Variants in DNAJB14 observed in about 807,000 individuals in gnomAD.
DNAJB14 encodes DnaJ heat shock protein family (Hsp40) member B14.
DNAJB14 carries 22 observed loss-of-function variants against 48.4 expected under a neutral mutation model. The ratio of observed to expected loss-of-function variants is 0.45; its 90% CI spans 0.32 to 0.65. DNAJB14 has a LOEUF of 0.65. Ranked by LOEUF, DNAJB14 falls within the 30% of genes least tolerant of loss-of-function variation. The pLI is 0.03. For synonymous variants in DNAJB14, 142 were observed against 158.7 expected (o/e 0.89, Z 0.79); for missense variants, 319 against 458.8 (o/e 0.70, Z 2.78).
intron 3 of DNAJB14, among the ~76,000 whole-genome samples, chr4:99,920,043 T>C (rs1725997852): frequency 6.6e-6 from 1 of 152,254 alleles, no homozygotes. Flanking sequence ...GTTGGTCTTC[T>C]GTGAGATCCT....
rs750098231 is a variant in DNAJB14 at position 99,897,786 on chromosome 4, T to A, written c.*3242A>T. On this transcript the variant is annotated 3_prime_UTR_variant, in exon 8 of 8. Coordinates refer to ENST00000442697, the MANE Select transcript of DNAJB14 (RefSeq NM_001031723.4). ...CCCTTTCAGTTTGCTTCACTCATTA[T>A]GAAGATGGATAGTAATAGGATAGTA... The A allele has an allele frequency of 1.6e-4, 24 of 152,048 alleles. No individual in the cohort carries two copies. Among genetic ancestry groups the A allele is most frequent in the Non-Finnish European group, 3.1e-4 (21 of 67,884 alleles). 9.4% of individuals were successfully genotyped at this position (152,048 alleles called of 1,614,324 possible).
At chr4:99,906,167 G>A (rs1017885667) in intron 5 of DNAJB14, 20 of 1,328,560 alleles carry the variant, frequency 1.5e-5, no homozygotes, top group Non-Finnish European at 2.0e-5. Context: ...TAGGCAATTA[G>A]GTATAACTGC....
intron 1 of DNAJB14, among the ~76,000 whole-genome samples, chr4:99,943,134 A>G (rs978052276): frequency 1.3e-5 from 2 of 152,178 alleles, no homozygotes; most frequent in African/African-American, 4.8e-5. Flanking sequence ...TTCAGCTCAC[A>G]TAAATCCTGT....
rs1436958358 is a variant in DNAJB14 at position 99,931,468 on chromosome 4, A to C, written c.134-847T>G. 2.0e-5 allele frequency among the ~76,000 whole-genome samples: 3 copies of C among 152,120 alleles called. No individual in the cohort carries two copies. In the East Asian group the frequency reaches 5.8e-4, roughly 29 times the overall value. On this transcript the variant is annotated intron_variant, in intron 1 of 7. Transcript: ENST00000442697. ...TTAAAACTTTCCATAATAAAAGTTAAAACTAAACATAAAAAACATTAACAA... is the reference window on the plus strand; with the variant it reads ...TTAAAACTTTCCATAATAAAAGTTACAACTAAACATAAAAAACATTAACAA...
rs1725169596 is a variant in DNAJB14 at position 99,897,282 on chromosome 4, T to TAGTC, written c.*3742_*3745dup. ...ATCTATTGGCCCCAACACCAGCAGA[T>TAGTC]AGTCATATTAAATGAAAAATATCAC... is the stretch of plus-strand genomic sequence containing the variant. On this transcript the variant is annotated 3_prime_UTR_variant, in exon 8 of 8. Coordinates refer to ENST00000442697, the MANE Select transcript of DNAJB14 (RefSeq NM_001031723.4). The TAGTC allele has an allele frequency of 6.6e-6, 1 of 150,812 alleles. No homozygotes were observed. The highest frequency in any genetic ancestry group is 2.4e-5 in the African/African-American group (1 of 41,152). The allele number at this position is 150,812 out of a possible 1,614,324, so 9.3% of individuals were successfully genotyped here.
rs1017885667 is a variant in DNAJB14 at position 99,906,167 on chromosome 4, G to T, written c.732+350C>A. The T allele has an allele frequency of 3.0e-6, 4 of 1,328,560 alleles. No individual in the cohort carries two copies. In the Admixed American group the frequency reaches 9.0e-5, roughly 30 times the overall value. The allele number at this position is 1,328,560 out of a possible 1,614,324, so 82.3% of individuals were successfully genotyped here. ...GTAATTAAATTGCTATAGGCAATTAGGTATAACTGCATTAGAACAAGGAAA... is the reference window on the plus strand; with the variant it reads ...GTAATTAAATTGCTATAGGCAATTATGTATAACTGCATTAGAACAAGGAAA... On this transcript the variant is annotated intron_variant, in intron 5 of 7. Transcript: ENST00000442697.
chr4:99,917,670 C>T (rs1725904773), intron 3 of DNAJB14, among the ~76,000 whole-genome samples: 2 of 152,164 alleles, frequency 1.3e-5, no homozygotes, highest in African/African-American at 4.8e-5. Flanking sequence ...TGTATTTGCT[C>T]TTGACAAGTT....
In DNAJB14 at chr4:99,897,519, T is replaced by C. The variant is rs1425668342; in HGVS notation, c.*3509A>G. 2 of 151,948 alleles carry C rather than the reference T, an allele frequency of 1.3e-5. No homozygotes were observed. The highest frequency in any genetic ancestry group is 2.9e-5 in the Non-Finnish European group (2 of 67,870). The allele number at this position is 151,948 out of a possible 1,614,324, so 9.4% of individuals were successfully genotyped here. A position where few individuals can be genotyped will look rare whatever the true frequency, so the allele number is the denominator to read the frequency against. On this transcript the variant is annotated 3_prime_UTR_variant, in exon 8 of 8. Coordinates refer to ENST00000442697, the MANE Select transcript of DNAJB14 (RefSeq NM_001031723.4). The stretch of plus-strand genomic sequence containing the variant: ...AATTGAAGGGATGAGCAAGAATTCC[T>C]TGAAAAGCCTCATTCTATCCTTTTT...
intron 3 of DNAJB14, among the ~76,000 whole-genome samples, chr4:99,920,421 A>G (rs997292685): frequency 3.9e-5 from 6 of 152,206 alleles, no homozygotes; most frequent in Admixed American, 6.5e-5. Context: ...GCAAACACAT[A>G]AACAACTAAT....
intron 5 of DNAJB14, 72 bp downstream of exon 5, chr4:99,906,445 C>G (rs540967642): frequency 6.9e-7 from 1 of 1,442,184 alleles, no homozygotes; most frequent in South Asian, 1.2e-5. Flanking sequence ...TACTTGCCCT[C>G]TTTTCAGACA....
At chr4:99,930,292 C>T (rs1726415221) in intron 2 of DNAJB14, 158 bp downstream of exon 2, 1 of 582,656 alleles carries the variant, frequency 1.7e-6, no homozygotes, top group Non-Finnish European at 2.7e-6. Context: ...ACTTTACAGA[C>T]CAGTTTTATA....
chr4:99,917,911 C>T (rs1320216049), intron 3 of DNAJB14, among the ~76,000 whole-genome samples: 1 of 151,940 alleles, frequency 6.6e-6, no homozygotes. Context: ...AAGCCTTTGT[C>T]TTTAGTTTTC....
intron 3 of DNAJB14, among the ~76,000 whole-genome samples, chr4:99,914,109 G>T (rs1377756926): frequency 6.6e-6 from 1 of 152,138 alleles, no homozygotes; most frequent in Non-Finnish European, 1.5e-5. Flanking sequence ...CCTCAAGAGA[G>T]CAAGAACTTA....
intron 3 of DNAJB14, among the ~76,000 whole-genome samples, chr4:99,918,606 AG>A (rs1354826393): frequency 6.6e-6 from 1 of 152,206 alleles, no homozygotes; most frequent in African/African-American, 2.4e-5. Flanking sequence ...GTGGAAGTCC[AG>A]GGTTTTTCCC....
Position 99,923,201 on chromosome 4 carries a change from T to C in DNAJB14, c.306-16A>G, listed in dbSNP as rs368739544. On this transcript the variant is annotated splice_polypyrimidine_tract_variant and intron_variant, in intron 2 of 7. Transcript: ENST00000442697. ...TTTGTTTATGCTGTGAACAAGAGAG[T>C]GTGTTATAATGTAAATTTCAAGGAA... 1.1e-4 allele frequency: 172 copies of C among 1,579,240 alleles called. No individual in the cohort carries two copies. The highest frequency in any genetic ancestry group is 1.5e-4 in the Non-Finnish European group (169 of 1,164,112).
chr4:99,923,121 A>T lies in DNAJB14; in HGVS notation c.370T>A (p.Leu124Met). 3 of 1,612,742 alleles carry T rather than the reference A, an allele frequency of 1.9e-6. No homozygotes were observed. Among genetic ancestry groups the T allele is most frequent in the Non-Finnish European group, 2.5e-6 (3 of 1,179,316 alleles). ...GVTKDAGDED[L>M]KKAYRKLALK... ...GCAAGCTTTCTATAAGCTTTTTTCA[A>T]ATCTTCATCACCAGCATCTTTCGTA... Residue 124 changes from leucine (L) to methionine (M), a missense_variant, in exon 3 of 8, where the codon TTG becomes ATG. Physicochemically the swap from Leu to Met is conservative, Grantham distance 15 (BLOSUM62 2). Transcript: ENST00000442697.
At chr4:99,902,206 C>G (rs985994884) in intron 7 of DNAJB14, among the ~76,000 whole-genome samples, 1 of 152,028 alleles carries the variant, frequency 6.6e-6, no homozygotes, top group Admixed American at 6.6e-5. Flanking sequence ...AATATTCTTT[C>G]CATTATTTCA....
intron 3 of DNAJB14, among the ~76,000 whole-genome samples, chr4:99,910,013 G>A (rs1188388524): frequency 6.6e-6 from 1 of 151,986 alleles, no homozygotes; most frequent in Non-Finnish European, 1.5e-5. Flanking sequence ...TTTAAAAATA[G>A]TTTTTGGATC....
chr4:99,924,794 A>G (rs1418912036), intron 2 of DNAJB14: 2 of 1,593,416 alleles, frequency 1.3e-6, no homozygotes, highest in Non-Finnish European at 8.6e-7. Flanking sequence ...TCCCATATCA[A>G]TGTTCCAATA....
Sources: gnomAD v4.1 joint callset for allele counts (sites outside exome capture counted in the v4.1 genomes callset) on GRCh38, gnomAD v4.1.1 for gene constraint, MANE v1.5 for transcripts, NCBI Gene and HGNC (gene_info 2026-07-23, HGNC 2026-07-21) for gene names.